The following TAOK1 variants were observed in gnomAD, a reference collection of about 807,000 sequenced individuals.
TAOK1 encodes the protein TAO kinase 1.
A neutral mutation model predicts 138.3 loss-of-function variants in TAOK1; 21 were observed. That is an observed-to-expected ratio of 0.15 (90% CI 0.11 to 0.22). TAOK1 has a LOEUF of 0.22. Ranked by LOEUF, TAOK1 falls within the 10% of genes least tolerant of loss-of-function variation. The pLI is 1.00. For missense variants in TAOK1, 651 were observed against 1,227.7 expected, an observed-to-expected ratio of 0.53 and a Z score of 7.02; for synonymous variants, 361 against 398.4, an observed-to-expected ratio of 0.91 and a Z score of 1.12.
chr17:29,508,034 C>T lies in TAOK1; in HGVS notation c.1477C>T (p.Arg493Cys), dbSNP rs781597072. Residue 493 changes from arginine (R) to cysteine (C), a missense_variant, in exon 14 of 20, where the codon CGC (arginine) becomes TGC (cysteine). By Grantham distance (180) the Arg-to-Cys change is radical. This residue lies in a region of TAOK1 where 258 missense variants were observed against 548.9 expected (regional missense o/e 0.47). Transcript: ENST00000261716. ...GCTAAAGGCTGAGATGGATGAACAT[C>T]GCCTCAGATTAGACAAAGATCTTGA... ...NKLKAEMDEH[R>C]LRLDKDLETQ... 1.9e-6 allele frequency: 3 copies of T among 1,613,882 alleles called. No individual in the cohort carries two copies. Among genetic ancestry groups the T allele is most frequent in the African/African-American group, 2.7e-5 (2 of 74,876 alleles).
Position 29,546,937 on chromosome 17 carries a change from C to T in TAOK1, c.*3915C>T, listed in dbSNP as rs1243578558. 6.6e-6 allele frequency: 1 copy of T among 152,094 alleles called. No homozygotes were observed. 9.4% of individuals were successfully genotyped at this position (152,094 alleles called of 1,614,324 possible). On this transcript the variant is annotated 3_prime_UTR_variant, in exon 20 of 20. Transcript: ENST00000261716. ...TTTCCTTTTTAATCCCCTCTTAGCA[C>T]TTCTGTGAGTGGAGAGGACATTAAG...
chr17:29,504,507 A>G (rs375634276), intron 13 of TAOK1, among the ~76,000 whole-genome samples: 5 of 151,656 alleles, frequency 3.3e-5, no homozygotes, highest in East Asian at 3.9e-4. Flanking sequence ...CATCTCTACT[A>G]AAAACTACAA....
intron 17 of TAOK1, among the ~76,000 whole-genome samples, chr17:29,524,326 C>T (rs905769699): frequency 6.6e-5 from 10 of 152,068 alleles, no homozygotes; most frequent in Admixed American, 2.6e-4. Context: ...CCAACAGCAC[C>T]GAGGAATAAA....
chr17:29,394,156 T>G (rs995966737), intron 1 of TAOK1, among the ~76,000 whole-genome samples: 1 of 102,996 alleles, frequency 9.7e-6, no homozygotes, highest in African/African-American at 4.7e-5. Flanking sequence ...GCCAGTTTTT[T>G]TTTTTTTTTT....
At chr17:29,408,793 A>T (rs1006978077) in intron 1 of TAOK1, among the ~76,000 whole-genome samples, 1 of 150,562 alleles carries the variant, frequency 6.6e-6, no homozygotes, top group African/African-American at 2.5e-5. Context: ...GCTCACTGCA[A>T]CCTCCACCTC....
At chr17:29,394,165 T>G (rs1279428109) in intron 1 of TAOK1, among the ~76,000 whole-genome samples, 18 of 124,438 alleles carry the variant, frequency 1.4e-4, no homozygotes, top group African/African-American at 4.0e-4. Flanking sequence ...TTTTTTTTTT[T>G]TTTTTTTTTT....
At chr17:29,511,294 C>T (rs561368709) in intron 15 of TAOK1, 48 of 155,790 alleles carry the variant, frequency 3.1e-4, no homozygotes, top group African/African-American at 1.0e-3. Flanking sequence ...AGTGCAGTGG[C>T]GCGCTCTCGG....
chr17:29,423,770 G>A (rs1905538107), intron 1 of TAOK1, among the ~76,000 whole-genome samples: 1 of 66 alleles, frequency 0.015, no homozygotes, highest in Admixed American at 0.1. Context: ...TTTCAGGCTG[G>A]GGCGTGGTGG....
intron 2 of TAOK1, among the ~76,000 whole-genome samples, chr17:29,456,524 T>C (rs1358349466): frequency 6.6e-6 from 1 of 150,396 alleles, no homozygotes; most frequent in Non-Finnish European, 1.5e-5. Context: ...AATTTGTCTA[T>C]TACAGGTTGA....
intron 14 of TAOK1, among the ~76,000 whole-genome samples, chr17:29,510,098 C>T (rs182087852): frequency 4.7e-5 from 7 of 149,630 alleles, no homozygotes; most frequent in South Asian, 2.1e-4. Flanking sequence ...AATTAGAGGC[C>T]GGGCATGGTG....
At chr17:29,397,737 A>ATT (rs1490831709) in intron 1 of TAOK1, among the ~76,000 whole-genome samples, 7 of 112,322 alleles carry the variant, frequency 6.2e-5, no homozygotes, top group African/African-American at 2.3e-4. Flanking sequence ...ATACATATAT[A>ATT]CACGTATATA....
At chr17:29,425,568 A>G (rs1251971648) in intron 1 of TAOK1, among the ~76,000 whole-genome samples, 2 of 152,096 alleles carry the variant, frequency 1.3e-5, no homozygotes, top group Admixed American at 6.6e-5. Flanking sequence ...AGTCCCAGCT[A>G]CTCGGGAGGC....
chr17:29,494,825 CAAAAAAAAAAAAAAA>C (rs368548444), intron 10 of TAOK1, among the ~76,000 whole-genome samples: 1 of 48,314 alleles, frequency 2.1e-5, no homozygotes. Context: ...GACTCCGTCT[CAAAAAAAAAAAAAAA>C]AAAAAAAAGA....
intron 3 of TAOK1, among the ~76,000 whole-genome samples, chr17:29,469,602 C>G (rs1445920058): frequency 6.6e-6 from 1 of 152,122 alleles, no homozygotes; most frequent in Non-Finnish European, 1.5e-5. Flanking sequence ...CCTAATATCC[C>G]CAAAGTTCAT....
intron 15 of TAOK1, chr17:29,512,834 C>G (rs542150973): frequency 6.6e-6 from 1 of 152,330 alleles, no homozygotes; most frequent in East Asian, 1.9e-4. Flanking sequence ...AGGGACCCAC[C>G]ACCACGCCCG....
rs1187461666 is a variant in TAOK1 at position 29,395,824 on chromosome 17, A to ATTTTTTTTTTT, written c.-95+4814_-95+4824dup. Among the ~76,000 whole-genome samples, 115 of 72,102 alleles carry ATTTTTTTTTTT rather than the reference A, an allele frequency of 1.6e-3. 8 individuals carry two copies. The highest frequency in any genetic ancestry group is 6.9e-3 in the African/African-American group (108 of 15,566). 47.3% of individuals were successfully genotyped at this position (72,102 alleles called of 152,430 possible). On this transcript the variant is annotated intron_variant, in intron 1 of 19. Coordinates refer to ENST00000261716, the MANE Select transcript of TAOK1 (RefSeq NM_020791.4). ...AGGTACATGCCACCACGTCTGGCTA[A>ATTTTTTTTTTT]TTTTTTTTTTTTTTTTTTTTTTTTG...
intron 14 of TAOK1, among the ~76,000 whole-genome samples, chr17:29,509,300 G>A (rs2031677879): frequency 6.6e-6 from 1 of 152,006 alleles, no homozygotes; most frequent in East Asian, 1.9e-4. Context: ...CTCCCAAGTA[G>A]CTGAGACTAC....
intron 2 of TAOK1, among the ~76,000 whole-genome samples, chr17:29,457,474 C>T (rs1416300166): frequency 8.2e-5 from 11 of 133,472 alleles, no homozygotes; most frequent in Admixed American, 2.5e-4. Flanking sequence ...GGCGTGATCT[C>T]GGCTCACTGC....
chr17:29,507,005 T>C (rs896019787), intron 13 of TAOK1, among the ~76,000 whole-genome samples: 3 of 152,180 alleles, frequency 2.0e-5, no homozygotes, highest in African/African-American at 7.2e-5. Flanking sequence ...TAAAAACTCA[T>C]ATGACACTAC....
Sources: gnomAD v4.1 joint callset for allele counts (sites outside exome capture counted in the v4.1 genomes callset) on GRCh38, gnomAD v4.1.1 for gene constraint, gnomAD v4.1.1 regional missense constraint, MANE v1.5 for transcripts, NCBI Gene and HGNC (gene_info 2026-07-23, HGNC 2026-07-21) for gene names.